The following DPH6 variants were observed in gnomAD, a reference collection of about 807,000 sequenced individuals.
The protein encoded by DPH6 is diphthine--ammonia ligase.
A neutral mutation model predicts 38.2 loss-of-function variants in DPH6; 33 were observed. The observed-to-expected ratio is 0.86, with a 90% CI of 0.65 to 1.15. The LOEUF is 1.15. Among genes scored for constraint, DPH6 ranks in the 50% most tolerant of loss-of-function variants. The pLI, the probability that DPH6 is intolerant of heterozygous loss-of-function variation, is 0.00. For synonymous variants in DPH6, 108 were observed against 103.0 expected (o/e 1.05, Z -0.30); for missense variants, 325 against 320.0 (o/e 1.02, Z -0.12).
intron 3 of DPH6, among the ~76,000 whole-genome samples, chr15:35,260,227 G>A (rs990539619): frequency 6.6e-6 from 1 of 151,880 alleles, no homozygotes; most frequent in African/African-American, 2.4e-5. Flanking sequence ...TCTGCCTCAG[G>A]CTCCCGAGTA....
In DPH6 at chr15:35,410,891, C is replaced by A; in HGVS notation, c.511G>T (p.Asp171Tyr). ...GTTTTCCCAAGATGCTTATCAGGAT[C>A]TAAACCTGCCAAGAAAGGTTACATT... ...MIIKVAALGLDPDKHLGKTLD... is the reference protein window; with the variant it reads ...MIIKVAALGLYPDKHLGKTLD... The change falls in exon 6 of 9, where the codon GAT becomes TAT. Residue 171 changes from aspartate (D) to tyrosine (Y), a missense_variant. Coordinates refer to ENST00000256538, the MANE Select transcript of DPH6 (RefSeq NM_080650.4). The A allele has an allele frequency of 6.2e-7, 1 of 1,603,372 alleles. No homozygotes were observed.
At chr15:35,241,689 CTCCT>C (rs1399532209) in intron 3 of DPH6, among the ~76,000 whole-genome samples, 1 of 142,006 alleles carries the variant, frequency 7.0e-6, no homozygotes, top group African/African-American at 2.5e-5. Flanking sequence ...CCTCTACTCC[CTCCT>C]TGTCGACCGA....
At chr15:35,479,163 T>G (rs1344836711) in intron 3 of DPH6, among the ~76,000 whole-genome samples, 1 of 152,058 alleles carries the variant, frequency 6.6e-6, no homozygotes, top group East Asian at 1.9e-4. Context: ...AGATTCTCAT[T>G]CTTTTTCACT....
intron 3 of DPH6, among the ~76,000 whole-genome samples, chr15:35,224,113 T>G (rs1277769521): frequency 6.9e-6 from 1 of 145,380 alleles, no homozygotes; most frequent in Non-Finnish European, 1.5e-5. Context: ...TTTTTTTTTT[T>G]TTTTTTTTTT....
chr15:35,226,595 A>G (rs1362546182), intron 3 of DPH6, among the ~76,000 whole-genome samples: 3 of 152,208 alleles, frequency 2.0e-5, no homozygotes, highest in Non-Finnish European at 2.9e-5. Flanking sequence ...AATAGCTACA[A>G]ATAAAATTAA....
At chr15:35,319,425 A>C (rs1254449150) in intron 3 of DPH6, among the ~76,000 whole-genome samples, 1 of 152,140 alleles carries the variant, frequency 6.6e-6, no homozygotes, top group Non-Finnish European at 1.5e-5. Flanking sequence ...CTGAAGTGAC[A>C]GTAGAAAGGT....
intron 6 of DPH6, chr15:35,400,665 T>C (rs1595532037): frequency 1.1e-5 from 7 of 621,422 alleles, no homozygotes; most frequent in Non-Finnish European, 2.0e-5. Context: ...GGAAGCATCA[T>C]TAAAGTCTCT....
intron 3 of DPH6, among the ~76,000 whole-genome samples, chr15:35,360,058 G>A (rs1370088736): frequency 6.6e-6 from 1 of 151,988 alleles, no homozygotes; most frequent in East Asian, 1.9e-4. Context: ...CATTTCCTTT[G>A]GTTATGTTTG....
intron 3 of DPH6, chr15:35,522,177 A>T (rs1249258118): frequency 6.2e-7 from 1 of 1,613,274 alleles, no homozygotes; most frequent in Non-Finnish European, 8.5e-7. Context: ...GTTCATTTGG[A>T]GTCCTGTAAA....
chr15:35,471,897 T>C (rs16961048), intron 3 of DPH6, among the ~76,000 whole-genome samples: 16,438 of 152,232 alleles, frequency 0.11, 1,329 homozygotes, highest in African/African-American at 0.24. Flanking sequence ...TAATGCCTTA[T>C]CTTCAATCAA....
intron 5 of DPH6, among the ~76,000 whole-genome samples, chr15:35,449,479 G>C (rs541901037): frequency 6.6e-4 from 100 of 152,144 alleles, no homozygotes; most frequent in African/African-American, 2.4e-3. Context: ...TATCTATCGG[G>C]CAGTAAAAGG....
intron 5 of DPH6, among the ~76,000 whole-genome samples, chr15:35,439,027 A>G (rs1454569166): frequency 6.6e-6 from 1 of 152,242 alleles, no homozygotes; most frequent in East Asian, 1.9e-4. Context: ...AAGCACAACA[A>G]AGTTTTCCTA....
intron 3 of DPH6, among the ~76,000 whole-genome samples, chr15:35,358,887 A>G (rs955937858): frequency 4.6e-5 from 7 of 152,100 alleles, no homozygotes; most frequent in African/African-American, 9.7e-5. Context: ...CACTTTCCAG[A>G]GAGCATCAGC....
At chr15:35,365,805 G>A (rs2052653600) in intron 3 of DPH6, 1 of 985,220 alleles carries the variant, frequency 1.0e-6, no homozygotes, top group African/African-American at 1.7e-5. Context: ...ACTGATCCTT[G>A]ATTTATTAAT....
the DPH6 span, among the ~76,000 whole-genome samples, chr15:35,172,781 T>C: frequency 3.3e-5 from 5 of 152,120 alleles, no homozygotes; most frequent in African/African-American, 9.7e-5. Flanking sequence ...AGTCTTGAAC[T>C]CCTGGGCTCA....
At chr15:35,483,698 T>G (rs1225978496) in intron 3 of DPH6, among the ~76,000 whole-genome samples, 3 of 152,134 alleles carry the variant, frequency 2.0e-5, no homozygotes, top group Admixed American at 1.3e-4. Context: ...TGATATCTAC[T>G]CATGAGAAAT....
chr15:35,436,855 C>A (rs759526598), intron 5 of DPH6, among the ~76,000 whole-genome samples: 1 of 151,316 alleles, frequency 6.6e-6, no homozygotes, highest in Non-Finnish European at 1.5e-5. Context: ...GCCAGGACAC[C>A]CTTTTCTCTC....
chr15:35,354,898 CATT>C (rs1161891629), intron 3 of DPH6, among the ~76,000 whole-genome samples: 1 of 152,012 alleles, frequency 6.6e-6, no homozygotes, highest in Non-Finnish European at 1.5e-5. Context: ...TAAAGTCTCC[CATT>C]ATTATTGTGT....
chr15:35,313,741 T>TAA (rs112341339), intron 3 of DPH6, among the ~76,000 whole-genome samples: 5 of 152,132 alleles, frequency 3.3e-5, no homozygotes, highest in African/African-American at 9.6e-5. Flanking sequence ...TAGGTTTTTC[T>TAA]AAAAAAAATC....
Sources: allele counts gnomAD v4.1 joint callset (sites outside exome capture counted in the v4.1 genomes callset), GRCh38; gene constraint gnomAD v4.1.1; transcripts MANE v1.5; gene names NCBI Gene and HGNC (gene_info 2026-07-23, HGNC 2026-07-21).